Variants in TRAPPC3L observed in about 807,000 individuals in gnomAD.
The protein encoded by TRAPPC3L is trafficking protein particle complex subunit 3L.
Under a neutral mutation model 23.7 loss-of-function variants are expected in TRAPPC3L, and 23 were observed. The ratio of observed to expected loss-of-function variants is 0.97; its 90% CI spans 0.70 to 1.37. The LOEUF (loss-of-function observed/expected upper bound fraction) is 1.37, where lower values mean the gene tolerates loss of function less well. Among genes scored for constraint, TRAPPC3L ranks in the 40% most tolerant of loss-of-function variants. TRAPPC3L has a pLI of 0.00. For missense variants in TRAPPC3L, 212 were observed against 216.8 expected, an observed-to-expected ratio of 0.98 and a Z score of 0.14; for synonymous variants, 81 against 77.9, an observed-to-expected ratio of 1.04 and a Z score of -0.21.
chr6:116,497,897 A>G (rs10485186), intron 4 of TRAPPC3L, among the ~76,000 whole-genome samples: 12,045 of 152,222 alleles, frequency 0.079, 546 homozygotes, highest in Admixed American at 0.13. Context: ...AATCTTACCT[A>G]ACTCAGTCCC....
intron 3 of TRAPPC3L, among the ~76,000 whole-genome samples, chr6:116,531,563 T>G (rs1383866204): frequency 6.6e-6 from 1 of 152,170 alleles, no homozygotes; most frequent in Non-Finnish European, 1.5e-5. Context: ...GGTCTGATTA[T>G]CGTGTCCCAG....
In TRAPPC3L at chr6:116,496,629, G is replaced by A. The variant is rs911985766; in HGVS notation, c.*325C>T. 4.7e-6 allele frequency: 1 copy of A among 211,050 alleles called. No homozygotes were observed. Among genetic ancestry groups the A allele is most frequent in the Non-Finnish European group, 9.3e-6 (1 of 108,034 alleles). 13.1% of individuals were successfully genotyped at this position (211,050 alleles called of 1,614,324 possible). ...CAAATACACAACTGTTTGTATTTGT[G>A]CTGCTTTTTTTTCCCATTACCATAC... is the stretch of plus-strand genomic sequence containing the variant. On this transcript the variant is annotated 3_prime_UTR_variant, in exon 5 of 5. Coordinates refer to ENST00000368602, the MANE Select transcript of TRAPPC3L (RefSeq NM_001139444.3).
chr6:116,526,024 A>G (rs1772434197), intron 3 of TRAPPC3L, among the ~76,000 whole-genome samples: 1 of 152,100 alleles, frequency 6.6e-6, no homozygotes, highest in African/African-American at 2.4e-5. Flanking sequence ...ACAGTTGGCT[A>G]ACTATGAGTG....
At chr6:116,515,594 C>A in intron 3 of TRAPPC3L, 1 of 1,598,650 alleles carries the variant, frequency 6.3e-7, no homozygotes, top group South Asian at 1.1e-5. Flanking sequence ...TTTCTTTCTT[C>A]TTAAGATTCT....
intron 4 of TRAPPC3L, among the ~76,000 whole-genome samples, chr6:116,498,665 A>G (rs1771867981): frequency 6.6e-6 from 1 of 152,186 alleles, no homozygotes; most frequent in African/African-American, 2.4e-5. Flanking sequence ...AGCTTTTACC[A>G]AGGCCCTTCT....
At chr6:116,505,517 C>A (rs562847715) in intron 3 of TRAPPC3L, among the ~76,000 whole-genome samples, 116 of 152,168 alleles carry the variant, frequency 7.6e-4, no homozygotes, top group African/African-American at 2.6e-3. Flanking sequence ...GGAAAAAACT[C>A]CTCTAAAGTT....
In TRAPPC3L at chr6:116,540,356, T is replaced by C. The variant is rs775504525; in HGVS notation, c.240+7A>G. On this transcript the variant is annotated splice_region_variant and intron_variant, in intron 3 of 4. Transcript: ENST00000368602. ...AAACATATTGACAGAGATAAAAACATAGTTACCTGGGCAATTATGTCTATA... is the reference window on the plus strand; with the variant it reads ...AAACATATTGACAGAGATAAAAACACAGTTACCTGGGCAATTATGTCTATA... 83 of 1,550,000 alleles carry C rather than the reference T, an allele frequency of 5.4e-5. No homozygotes were observed. Among genetic ancestry groups the C allele is most frequent in the Non-Finnish European group, 7.2e-5 (82 of 1,146,110 alleles).
At chr6:116,531,591 C>T (rs1583281520) in intron 3 of TRAPPC3L, among the ~76,000 whole-genome samples, 1 of 152,194 alleles carries the variant, frequency 6.6e-6, no homozygotes, top group East Asian at 1.9e-4. Flanking sequence ...CTACAATAAA[C>T]CCTAAAGGTC....
intron 3 of TRAPPC3L, chr6:116,522,666 C>A (rs1772366212): frequency 6.6e-6 from 1 of 152,110 alleles, no homozygotes; most frequent in African/African-American, 2.4e-5. Flanking sequence ...AGGAGTAACA[C>A]ATTAAACTAT....
chr6:116,539,666 T>A (rs981772024), intron 3 of TRAPPC3L, among the ~76,000 whole-genome samples: 4 of 152,142 alleles, frequency 2.6e-5, no homozygotes, highest in Non-Finnish European at 5.9e-5. Context: ...TTTGGTCATG[T>A]ATAACAATAT....
At chr6:116,514,840 G>A in intron 3 of TRAPPC3L, among the ~76,000 whole-genome samples, 1 of 152,194 alleles carries the variant, frequency 6.6e-6, no homozygotes, top group Non-Finnish European at 1.5e-5. Flanking sequence ...TAAACTAAAT[G>A]TCAAGAGACA....
intron 3 of TRAPPC3L, among the ~76,000 whole-genome samples, chr6:116,530,926 T>TATATAC (rs1554235965): frequency 2.7e-4 from 39 of 142,820 alleles, no homozygotes; most frequent in African/African-American, 9.8e-4. Context: ...TATATATATA[T>TATATAC]ATATATATAT....
At chr6:116,515,898 C>T (rs746885992) in intron 3 of TRAPPC3L, 2 of 1,613,928 alleles carry the variant, frequency 1.2e-6, no homozygotes, top group Non-Finnish European at 1.7e-6. Context: ...CACTATAGCA[C>T]CCTCCACAGA....
At chr6:116,506,220 C>T (rs1045072855) in intron 3 of TRAPPC3L, among the ~76,000 whole-genome samples, 2 of 152,146 alleles carry the variant, frequency 1.3e-5, no homozygotes, top group African/African-American at 4.8e-5. Flanking sequence ...TGAACAGACA[C>T]TTGTCAAAAA....
chr6:116,510,729 C>T (rs1772099201), intron 3 of TRAPPC3L, among the ~76,000 whole-genome samples: 1 of 151,596 alleles, frequency 6.6e-6, no homozygotes, highest in African/African-American at 2.4e-5. Context: ...TTTATTGCAA[C>T]ACAATTCACA....
At position 116,540,380 on chromosome 6, in the gene TRAPPC3L, T is replaced by C. The variant is rs1285738828; in HGVS notation, c.223A>G (p.Ile75Val). The stretch of plus-strand genomic sequence containing the variant: ...ATAGTTACCTGGGCAATTATGTCTA[T>C]AATTTCTGAATAACTATGGCATCTT... ...VGRCHSYSEI[I>V]DIIAQVAFKM... Residue 75 changes from isoleucine (I) to valine (V), a missense_variant, in exon 3 of 5, where the codon ATA becomes GTA. Transcript: ENST00000368602. The C allele has an allele frequency of 1.9e-6, 3 of 1,551,248 alleles. No individual in the cohort carries two copies. In the South Asian group the frequency reaches 3.6e-5, roughly 18 times the overall value.
intron 3 of TRAPPC3L, among the ~76,000 whole-genome samples, chr6:116,506,444 A>T (rs1353314604): frequency 6.6e-6 from 1 of 152,230 alleles, no homozygotes; most frequent in Non-Finnish European, 1.5e-5. Context: ...ACAATTTTGG[A>T]AGACAGTGTG....
intron 3 of TRAPPC3L, among the ~76,000 whole-genome samples, chr6:116,509,658 C>A (rs907066690): frequency 2.6e-5 from 4 of 152,092 alleles, no homozygotes; most frequent in African/African-American, 9.7e-5. Flanking sequence ...TGTCACTCAC[C>A]ATATACAAAA....
intron 3 of TRAPPC3L, chr6:116,515,525 C>T: frequency 7.0e-7 from 1 of 1,435,112 alleles, no homozygotes; most frequent in Non-Finnish European, 9.4e-7. Context: ...TTTAGCTATA[C>T]ACTTCTCAAT....
Sources: allele counts gnomAD v4.1 joint callset (sites outside exome capture counted in the v4.1 genomes callset), GRCh38; gene constraint gnomAD v4.1.1; transcripts MANE v1.5; gene names NCBI Gene and HGNC (gene_info 2026-07-23, HGNC 2026-07-21).